Variants in HELZ observed in about 807,000 individuals in gnomAD.
HELZ encodes ATP-dependent RNA helicase with zinc finger domain.
HELZ carries 23 observed loss-of-function variants against 218.2 expected under a neutral mutation model. The observed-to-expected ratio is 0.11, with a 90% CI of 0.08 to 0.15. The LOEUF (loss-of-function observed/expected upper bound fraction) is 0.15. Ranked by LOEUF, HELZ falls within the 10% of genes least tolerant of loss-of-function variation. HELZ has a pLI of 1.00. For synonymous variants in HELZ, 814 were observed against 829.4 expected (o/e 0.98, Z 0.32); for missense variants, 1,813 against 2,353.7 (o/e 0.77, Z 4.75).
chr17:67,220,198 C>T (rs776028051), intron 3 of HELZ, among the ~76,000 whole-genome samples: 10 of 152,290 alleles, frequency 6.6e-5, no homozygotes, highest in Non-Finnish European at 1.5e-4. Flanking sequence ...TGTGCTGTAA[C>T]CATCTGCTGC....
chr17:67,130,484 G>A (rs181425004), intron 23 of HELZ, among the ~76,000 whole-genome samples: 48 of 152,192 alleles, frequency 3.2e-4, no homozygotes, highest in Middle Eastern at 6.8e-3. Flanking sequence ...CTGACTATAA[G>A]ACTAAGGCTA....
intron 26 of HELZ, 61 bp downstream of exon 26, chr17:67,122,909 A>G (rs2037660210): frequency 7.8e-7 from 1 of 1,273,978 alleles, no homozygotes; most frequent in African/African-American, 1.5e-5. Context: ...TGGGATTAGA[A>G]CCATTTTAGT....
chr17:67,243,891 C>T, intron 1 of HELZ, 52 bp from the exon 2 acceptor site: 5 of 535,074 alleles, frequency 9.3e-6, no homozygotes, highest in Non-Finnish European at 1.2e-5. Flanking sequence ...CAGACATTAT[C>T]AGTAGCAAAC....
At chr17:67,203,082 A>AC (rs2040208130) in intron 6 of HELZ, among the ~76,000 whole-genome samples, 1 of 152,136 alleles carries the variant, frequency 6.6e-6, no homozygotes, top group South Asian at 2.1e-4. Flanking sequence ...TGATCACACC[A>AC]CTTTACTCAG....
intron 2 of HELZ, among the ~76,000 whole-genome samples, chr17:67,241,188 A>G (rs1192266106): frequency 6.6e-6 from 1 of 152,216 alleles, no homozygotes; most frequent in Admixed American, 6.5e-5. Flanking sequence ...ATCCAATTAC[A>G]TCTGCATGTA....
intron 7 of HELZ, 105 bp downstream of exon 7, chr17:67,201,024 C>T (rs760511863): frequency 2.5e-4 from 212 of 864,364 alleles, no homozygotes; most frequent in South Asian, 3.7e-4. Flanking sequence ...TTCACAGCCT[C>T]GCCTTCTGGC....
chr17:67,207,624 T>A (rs1376810282), intron 5 of HELZ, among the ~76,000 whole-genome samples: 1 of 152,242 alleles, frequency 6.6e-6, no homozygotes, highest in Admixed American at 6.5e-5. Context: ...AAAATTTTTT[T>A]CATTACCATA....
At chr17:67,086,631 A>AATATAAATATAAATATAAATATATATAT (rs914625902) in intron 32 of HELZ, among the ~76,000 whole-genome samples, 198 bp downstream of exon 32, 1 of 93,318 alleles carries the variant, frequency 1.1e-5, no homozygotes, top group African/African-American at 4.8e-5. Context: ...TATAAATATA[A>AATATAAATATAAATATAAATATATATAT]ATATATATAT....
At chr17:67,208,020 A>G (rs989321736) in intron 5 of HELZ, among the ~76,000 whole-genome samples, 12 of 152,146 alleles carry the variant, frequency 7.9e-5, no homozygotes, top group Admixed American at 2.6e-4. Flanking sequence ...AAAAAACAGC[A>G]TGGATGGATC....
chr17:67,156,876 G>C lies in HELZ; in HGVS notation c.2177+3385C>G. Among the ~76,000 whole-genome samples the C allele has an allele frequency of 2.6e-5, 4 of 152,196 alleles. No individual in the cohort carries two copies. In the South Asian group the frequency reaches 8.3e-4, roughly 32 times the overall value. ...ATATTTGTTCCCATCAAAATCTCAC[G>C]TTGAAATGTAATCCCCAGTGTTGGA... On this transcript the variant is annotated intron_variant, in intron 17 of 32. Transcript: ENST00000358691.
intron 21 of HELZ, among the ~76,000 whole-genome samples, chr17:67,138,765 A>AT (rs1170719817): frequency 3.3e-5 from 5 of 152,214 alleles, no homozygotes; most frequent in Admixed American, 3.3e-4. Context: ...GCCACAGTTT[A>AT]TGCAACTGAA....
At position 67,128,788 on chromosome 17, in the gene HELZ, G is replaced by A; in HGVS notation, c.3250C>T (p.Gln1084Ter). 1 of 1,614,034 alleles carries A rather than the reference G, an allele frequency of 6.2e-7. No homozygotes were observed. The highest frequency in any genetic ancestry group is 8.5e-7 in the Non-Finnish European group (1 of 1,179,942). The change falls in exon 24 of 33, where the codon CAG (glutamine) becomes TAG (stop). Residue 1084 changes from glutamine (Q) to a stop codon, truncating the protein, a stop_gained. Coordinates refer to ENST00000358691, the MANE Select transcript of HELZ (RefSeq NM_014877.4). LOFTEE classifies it high-confidence loss of function. ...NSSLHGITFEQIKAQLEALEL... is the reference protein window; with the variant it reads ...NSSLHGITFE Reference sequence around the variant, plus strand: ...AAAGCCTCTAACTGGGCTTTGATCTGTTCAAAAGTGATTCCATGTAGGCTA... The same window carrying A: ...AAAGCCTCTAACTGGGCTTTGATCTATTCAAAAGTGATTCCATGTAGGCTA...
In HELZ at chr17:67,198,621, T is replaced by G. The variant is rs572439326; in HGVS notation, c.429+2508A>C. 2.6e-5 allele frequency among the ~76,000 whole-genome samples: 4 copies of G among 152,364 alleles called. No individual in the cohort carries two copies. In the South Asian group the frequency reaches 8.3e-4, roughly 32 times the overall value. ...TCTATTAATCAGATATTTTAAATGT[T>G]ACTAAAGAATATTTACTAAAGAATA... On this transcript the variant is annotated intron_variant, in intron 7 of 32. Coordinates refer to ENST00000358691, the MANE Select transcript of HELZ (RefSeq NM_014877.4).
rs769980827 is a variant in HELZ at position 67,138,126 on chromosome 17, AACAC to A, written c.2770-16_2770-13del. On this transcript the variant is annotated splice_polypyrimidine_tract_variant and intron_variant, in intron 21 of 32. Coordinates refer to ENST00000358691, the MANE Select transcript of HELZ (RefSeq NM_014877.4). Reference sequence around the variant, plus strand: ...ACCACTTCAAACACCTTTAAAAACAAACACACACATACATATTAAAGTTATCACC... The same window carrying A: ...ACCACTTCAAACACCTTTAAAAACAAACACATACATATTAAAGTTATCACC... The A allele has an allele frequency of 6.2e-7, 1 of 1,603,930 alleles. No homozygotes were observed. The highest frequency in any genetic ancestry group is 1.7e-5 in the Admixed American group (1 of 59,346).
At chr17:67,111,079 G>A (rs1036379038) in intron 28 of HELZ, among the ~76,000 whole-genome samples, 28 of 152,144 alleles carry the variant, frequency 1.8e-4, no homozygotes, top group African/African-American at 6.8e-4. Context: ...TGGCAGATTC[G>A]GACAGCATGG....
intron 14 of HELZ, among the ~76,000 whole-genome samples, chr17:67,167,024 CAATT>C (rs1316921332): frequency 2.0e-5 from 3 of 152,206 alleles, no homozygotes; most frequent in African/African-American, 7.2e-5. Flanking sequence ...TATCAATTTA[CAATT>C]AATAAATAAT....
At chr17:67,160,426 T>C in intron 16 of HELZ, 64 bp from the exon 17 acceptor site, 1 of 1,124,342 alleles carries the variant, frequency 8.9e-7, no homozygotes, top group Non-Finnish European at 1.3e-6. Context: ...AGCAGTATAA[T>C]ACCAAAAAAA....
chr17:67,238,607 A>G (rs896672827), intron 3 of HELZ, among the ~76,000 whole-genome samples: 4 of 151,908 alleles, frequency 2.6e-5, no homozygotes, highest in Non-Finnish European at 5.9e-5. Flanking sequence ...GCTTGAACCC[A>G]GGAGGCGGAG....
intron 17 of HELZ, among the ~76,000 whole-genome samples, chr17:67,152,767 T>TAAAA (rs368609592): frequency 4.8e-5 from 6 of 124,850 alleles, no homozygotes; most frequent in Admixed American, 8.2e-5. Context: ...AGAGTAGATT[T>TAAAA]AAAAAAAAAA....
Sources: allele counts gnomAD v4.1 joint callset (sites outside exome capture counted in the v4.1 genomes callset), GRCh38; gene constraint gnomAD v4.1.1; transcripts MANE v1.5; gene names NCBI Gene and HGNC (gene_info 2026-07-23, HGNC 2026-07-21).